BPNT2: variants seen among roughly 807,000 people sequenced by gnomAD.
BPNT2 encodes the protein Golgi-resident adenosine 3',5'-bisphosphate 3'-phosphatase.
In BPNT2, 11 loss-of-function variants were observed where a neutral mutation model predicts 29.3. That is an observed-to-expected ratio of 0.38 (90% CI 0.24 to 0.62). The LOEUF (loss-of-function observed/expected upper bound fraction) is 0.62, where lower values mean the gene tolerates loss of function less well. Ranked by LOEUF, BPNT2 falls within the 20% of genes least tolerant of loss-of-function variation. The probability of loss-of-function intolerance (pLI) is 0.62; values close to 1 mark genes in which losing one functional copy is unlikely to be tolerated. For synonymous variants in BPNT2, 195 were observed against 187.7 expected, an observed-to-expected ratio of 1.04 and a Z score of -0.32; for missense variants, 459 against 473.4, an observed-to-expected ratio of 0.97 and a Z score of 0.28.
chr8:56,964,041 C>T lies in BPNT2; in HGVS notation c.832G>A (p.Asp278Asn). 6.3e-7 allele frequency: 1 copy of T among 1,598,828 alleles called. No homozygotes were observed. Among genetic ancestry groups the T allele is most frequent in the South Asian group, 1.1e-5 (1 of 89,500 alleles). ...TTTTCTTGACTCTTATCAGGCACAT[C>T]CAAAAGTGCTAAAACTTTATAACCT... The part of the protein sequence containing the change: ...GAGYKVLALL[D>N]VPDKSQEKAD... The change falls in exon 5 of 5, where the codon GAT becomes AAT. Residue 278 changes from aspartate (D) to asparagine (N), a missense_variant. By Grantham distance (23) the Asp-to-Asn change is conservative (BLOSUM62 1). Coordinates refer to ENST00000262644, the MANE Select transcript of BPNT2 (RefSeq NM_017813.5).
rs1805796117 is a variant in BPNT2 at position 56,959,691 on chromosome 8, T to C, written c.*4102A>G. 1 of 152,214 alleles carries C rather than the reference T, an allele frequency of 6.6e-6. No homozygotes were observed. The highest frequency in any genetic ancestry group is 1.5e-5 in the Non-Finnish European group (1 of 68,032). 9.4% of individuals were successfully genotyped at this position (152,214 alleles called of 1,614,324 possible). A position where few individuals can be genotyped will look rare whatever the true frequency, so the allele number is the denominator to read the frequency against. On this transcript the variant is annotated 3_prime_UTR_variant, in exon 5 of 5. Coordinates refer to ENST00000262644, the MANE Select transcript of BPNT2 (RefSeq NM_017813.5). Reference sequence around the variant, plus strand: ...AAGATGAAATATTATTTCAGACCTATATACATCAAGATGCCAGTTCTTATA... The same window carrying C: ...AAGATGAAATATTATTTCAGACCTACATACATCAAGATGCCAGTTCTTATA...
rs1805854468 is a variant in BPNT2, at chr8:56,962,518, T to G, written c.*1275A>C. ...TACATGAAGTTTCCAGATTTCACAT[T>G]GAGAGAAACCATACATCCCAATGAA... On this transcript the variant is annotated 3_prime_UTR_variant, in exon 5 of 5. Transcript: ENST00000262644. 1 of 152,166 alleles carries G rather than the reference T, an allele frequency of 6.6e-6. No individual in the cohort carries two copies. The highest frequency in any genetic ancestry group is 1.5e-5 in the Non-Finnish European group (1 of 68,024). The allele number at this position is 152,166 out of a possible 1,614,324, so 9.4% of individuals were successfully genotyped here. A position where few individuals can be genotyped will look rare whatever the true frequency, so the allele number is the denominator to read the frequency against.
Position 56,960,934 on chromosome 8 carries a change from C to A in BPNT2, c.*2859G>T, listed in dbSNP as rs1320566870. 1.3e-5 allele frequency: 2 copies of A among 151,966 alleles called. No homozygotes were observed. The highest frequency in any genetic ancestry group is 2.9e-5 in the Non-Finnish European group (2 of 68,024). The allele number at this position is 151,966 out of a possible 1,614,324, so 9.4% of individuals were successfully genotyped here. A position where few individuals can be genotyped will look rare whatever the true frequency, so the allele number is the denominator to read the frequency against. ...AGCTTCAGATTTCAGCAGCCAATAT[C>A]CAGAAAAATGTATATCTAAAAGAAT... On this transcript the variant is annotated 3_prime_UTR_variant, in exon 5 of 5. Transcript: ENST00000262644.
Position 56,990,723 on chromosome 8 carries a change from A to T in BPNT2, c.387+2476T>A, listed in dbSNP as rs181416943. 6.2e-4 allele frequency among the ~76,000 whole-genome samples: 94 copies of T among 152,056 alleles called. 1 individual carries two copies. Among genetic ancestry groups the T allele is most frequent in the African/African-American group, 2.1e-3 (87 of 41,502 alleles). ...TAGCATCCCACCCCTGGTTGTGACAATCAAAAATGTCTTCCGACGTTGTCA... is the reference window on the plus strand; with the variant it reads ...TAGCATCCCACCCCTGGTTGTGACATTCAAAAATGTCTTCCGACGTTGTCA... On this transcript the variant is annotated intron_variant, in intron 1 of 4. Transcript: ENST00000262644.
At chr8:56,969,962 A>G (rs551876627) in intron 3 of BPNT2, among the ~76,000 whole-genome samples, 1 of 152,326 alleles carries the variant, frequency 6.6e-6, no homozygotes, top group South Asian at 2.1e-4. Context: ...CCGCTTTTCT[A>G]GAAGAAACAT....
chr8:56,976,166 T>C (rs1806129788), intron 3 of BPNT2, among the ~76,000 whole-genome samples: 2 of 152,290 alleles, frequency 1.3e-5, no homozygotes, highest in South Asian at 4.1e-4. Context: ...TCTCCCCTTT[T>C]ACCCTTTCCA....
intron 3 of BPNT2, 66 bp from the exon 4 acceptor site, chr8:56,966,418 G>C: frequency 7.3e-7 from 1 of 1,378,824 alleles, no homozygotes; most frequent in Non-Finnish European, 1.0e-6. Flanking sequence ...ATATTCTTCA[G>C]AACCCAAAGT....
At chr8:56,984,665 CAAAA>C (rs2129206218) in intron 1 of BPNT2, among the ~76,000 whole-genome samples, 1 of 152,286 alleles carries the variant, frequency 6.6e-6, no homozygotes, top group African/African-American at 2.4e-5. Context: ...CAGTAATGAA[CAAAA>C]CAGACAAAAT....
chr8:56,963,932 T>C lies in BPNT2; in HGVS notation c.941A>G (p.His314Arg). ...TTCTTCACCACTCAGGGTAGTCATATGCCCCCCTAGGGCTTTTAAGATGGC... is the reference window on the plus strand; with the variant it reads ...TTCTTCACCACTCAGGGTAGTCATACGCCCCCCTAGGGCTTTTAAGATGGC... ...GNAILKALGG[H>R]MTTLSGEEIS... Residue 314 changes from histidine (H) to arginine (R), a missense_variant, in exon 5 of 5, where the codon CAT becomes CGT. Physicochemically the swap from His to Arg is conservative, Grantham distance 29. Coordinates refer to ENST00000262644, the MANE Select transcript of BPNT2 (RefSeq NM_017813.5). 1 of 1,614,154 alleles carries C rather than the reference T, an allele frequency of 6.2e-7. No homozygotes were observed. Among genetic ancestry groups the C allele is most frequent in the African/African-American group, 1.3e-5 (1 of 75,058 alleles).
intron 1 of BPNT2, among the ~76,000 whole-genome samples, chr8:56,986,193 A>T (rs1806324678): frequency 6.6e-6 from 1 of 152,130 alleles, no homozygotes; most frequent in East Asian, 1.9e-4. Context: ...GTGTGAATCA[A>T]TTTAATTTGA....
At position 56,959,647 on chromosome 8, in the gene BPNT2, TATTAAA is replaced by T. The variant is rs2129202596; in HGVS notation, c.*4140_*4145del. Reference sequence around the variant, plus strand: ...ACTGTGATCTATCCTGGTCTAATATTATTAAAATTAAAAATCAAAAGATGAAATATT... The same window carrying T: ...ACTGTGATCTATCCTGGTCTAATATTATTAAAAATCAAAAGATGAAATATT... On this transcript the variant is annotated 3_prime_UTR_variant, in exon 5 of 5. Transcript: ENST00000262644. 1 of 152,264 alleles carries T rather than the reference TATTAAA, an allele frequency of 6.6e-6. No homozygotes were observed. The highest frequency in any genetic ancestry group is 1.9e-4 in the East Asian group (1 of 5,190). The allele number at this position is 152,264 out of a possible 1,614,324, so 9.4% of individuals were successfully genotyped here.
chr8:56,975,645 T>G (rs1291853781), intron 3 of BPNT2, among the ~76,000 whole-genome samples: 1 of 152,130 alleles, frequency 6.6e-6, no homozygotes, highest in Non-Finnish European at 1.5e-5. Context: ...TGATAGGAGC[T>G]CCTAAGTCCA....
At chr8:56,975,235 A>G (rs780441768) in intron 3 of BPNT2, among the ~76,000 whole-genome samples, 2 of 152,192 alleles carry the variant, frequency 1.3e-5, no homozygotes, top group Non-Finnish European at 2.9e-5. Flanking sequence ...AAAAAAGCAA[A>G]AAGAGAGGAG....
At chr8:56,980,732 G>A (rs1302085526) in intron 1 of BPNT2, among the ~76,000 whole-genome samples, 1 of 149,942 alleles carries the variant, frequency 6.7e-6, no homozygotes, top group African/African-American at 2.5e-5. Context: ...TATAAGTAGA[G>A]GAAGGGTTGT....
At chr8:56,990,894 CTACATTTACATAG>C (rs1020904562) in intron 1 of BPNT2, among the ~76,000 whole-genome samples, 2 of 152,158 alleles carry the variant, frequency 1.3e-5, no homozygotes, top group African/African-American at 4.8e-5. Flanking sequence ...ACAGATCTTT[CTACATTTACATAG>C]GGCACTAGGA....
chr8:56,993,399 A>G lies in BPNT2; in HGVS notation c.187T>C (p.Leu63=), dbSNP rs755286887. 6.2e-7 allele frequency: 1 copy of G among 1,606,678 alleles called. No homozygotes were observed. The highest frequency in any genetic ancestry group is 8.5e-7 in the Non-Finnish European group (1 of 1,178,980). The change falls in exon 1 of 5, where the codon TTG becomes CTG. Residue 63 remains leucine (L), a synonymous_variant. Coordinates refer to ENST00000262644, the MANE Select transcript of BPNT2 (RefSeq NM_017813.5). ...AAAADGGTVD[L]REMLAVSVLA... is the part of the protein sequence containing the mutation. The stretch of plus-strand genomic sequence containing the variant: ...ACTGACACAGCCAGCATCTCGCGCA[A>G]GTCCACGGTGCCCCCATCGGCCGCG...
At chr8:56,993,158 G>A (rs911122366) in intron 1 of BPNT2, 41 bp downstream of exon 1, 34 of 1,571,608 alleles carry the variant, frequency 2.2e-5, no homozygotes, top group Non-Finnish European at 2.7e-5. Flanking sequence ...GCCGAGACGC[G>A]CTACCCGGCT....
chr8:56,966,047 C>T, intron 4 of BPNT2, 144 bp downstream of exon 4: 1 of 857,248 alleles, frequency 1.2e-6, no homozygotes, highest in Non-Finnish European at 1.9e-6. Context: ...CTCGAGGTTA[C>T]CAAACAGGAG....
At chr8:56,970,425 AAGAC>A (rs1428101420) in intron 3 of BPNT2, among the ~76,000 whole-genome samples, 2 of 152,322 alleles carry the variant, frequency 1.3e-5, no homozygotes, top group East Asian at 3.9e-4. Flanking sequence ...ACAAGTCCAA[AAGAC>A]AGACCATTCT....
Sources: allele counts gnomAD v4.1 joint callset (sites outside exome capture counted in the v4.1 genomes callset), GRCh38; gene constraint gnomAD v4.1.1; transcripts MANE v1.5; gene names NCBI Gene and HGNC (gene_info 2026-07-23, HGNC 2026-07-21).